The following RECK variants were observed in gnomAD, a reference collection of about 807,000 sequenced individuals.
RECK encodes reversion inducing cysteine rich protein with kazal motifs.
A neutral mutation model predicts 115.1 loss-of-function variants in RECK; 69 were observed. That is an observed-to-expected ratio of 0.60 (90% confidence interval 0.49 to 0.73). The LOEUF is 0.73. Ranked by LOEUF, RECK falls within the 30% of genes least tolerant of loss-of-function variation. The pLI is 0.00. For missense variants in RECK, 1,047 were observed against 1,203.7 expected (o/e 0.87, Z 1.93); for synonymous variants, 414 against 419.7 (o/e 0.99, Z 0.17).
chr9:36,108,667 A>G (rs1293686416), intron 14 of RECK, among the ~76,000 whole-genome samples: 1 of 152,046 alleles, frequency 6.6e-6, no homozygotes, highest in East Asian at 1.9e-4. Context: ...TCACTTCACC[A>G]GAAGTGAAAC....
chr9:36,102,653 G>T (rs2132653184), intron 12 of RECK, among the ~76,000 whole-genome samples: 1 of 151,466 alleles, frequency 6.6e-6, no homozygotes, highest in Admixed American at 6.6e-5. Flanking sequence ...ACCCAACAGG[G>T]TATAAAAAAA....
chr9:36,042,158 A>G (rs939377970), intron 1 of RECK, among the ~76,000 whole-genome samples: 8 of 151,862 alleles, frequency 5.3e-5, no homozygotes, highest in Non-Finnish European at 1.0e-4. Flanking sequence ...TGGTGCACCC[A>G]TCACTACAGT....
intron 1 of RECK, among the ~76,000 whole-genome samples, chr9:36,044,273 T>C (rs1296320293): frequency 6.6e-6 from 1 of 152,082 alleles, no homozygotes; most frequent in Admixed American, 6.5e-5. Context: ...ATTTGATTCT[T>C]AGAGTGGTCA....
At chr9:36,078,618 C>T (rs1822552228) in intron 6 of RECK, among the ~76,000 whole-genome samples, 1 of 152,118 alleles carries the variant, frequency 6.6e-6, no homozygotes, top group Non-Finnish European at 1.5e-5. Flanking sequence ...CAAAATCACC[C>T]CTAGTTGAAA....
chr9:36,044,413 G>T (rs916079103), intron 1 of RECK, among the ~76,000 whole-genome samples: 1 of 152,122 alleles, frequency 6.6e-6, no homozygotes, highest in Non-Finnish European at 1.5e-5. Context: ...ACGATCATAT[G>T]ATCGGCAAAC....
At chr9:36,096,133 AG>A (rs1823329185) in intron 10 of RECK, among the ~76,000 whole-genome samples, 1 of 150,600 alleles carries the variant, frequency 6.6e-6, no homozygotes, top group African/African-American at 2.4e-5. Context: ...GCTGCTCAGG[AG>A]GCTGAGGTGG....
intron 1 of RECK, among the ~76,000 whole-genome samples, chr9:36,042,021 C>A (rs1434224655): frequency 6.6e-6 from 1 of 151,600 alleles, no homozygotes; most frequent in South Asian, 2.1e-4. Flanking sequence ...TTTTTTTGTA[C>A]TTTTTTCCTG....
At chr9:36,061,735 C>T (rs1436476207) in intron 4 of RECK, among the ~76,000 whole-genome samples, 1 of 152,144 alleles carries the variant, frequency 6.6e-6, no homozygotes, top group Non-Finnish European at 1.5e-5. Flanking sequence ...TTAGAAGAAA[C>T]TATACTAGGC....
At chr9:36,083,624 G>T in intron 8 of RECK, 62 bp downstream of exon 8, 1 of 1,521,532 alleles carries the variant, frequency 6.6e-7, no homozygotes, top group Non-Finnish European at 9.0e-7. Flanking sequence ...GTAAAAAGAA[G>T]TGATACGTTC....
At position 36,065,565 on chromosome 9, in the gene RECK, G is replaced by A; in HGVS notation, c.358-12G>A. The A allele has an allele frequency of 6.3e-7, 1 of 1,576,452 alleles. No individual in the cohort carries two copies. Among genetic ancestry groups the A allele is most frequent in the South Asian group, 1.2e-5 (1 of 82,264 alleles). On this transcript the variant is annotated splice_polypyrimidine_tract_variant and intron_variant, in intron 5 of 20. Coordinates refer to ENST00000377966, the MANE Select transcript of RECK (RefSeq NM_021111.3). ...GTATAATAAATTAATGGAGAAATTT[G>A]TTGGTTTTTAGGCATCTTCAAAGAA... is the stretch of plus-strand genomic sequence containing the variant.
At chr9:36,044,276 A>G (rs953422747) in intron 1 of RECK, among the ~76,000 whole-genome samples, 1 of 151,408 alleles carries the variant, frequency 6.6e-6, no homozygotes, top group African/African-American at 2.4e-5. Context: ...TGATTCTTAG[A>G]GTGGTCACTG....
In RECK at chr9:36,123,918, A is replaced by C. The variant is rs1161381229; in HGVS notation, c.*873A>C. ...GTGTAGTTCATGTAAATAATACATTATATTTCTATTTTATTATGAAGAAGG... is the reference window on the plus strand; with the variant it reads ...GTGTAGTTCATGTAAATAATACATTCTATTTCTATTTTATTATGAAGAAGG... On this transcript the variant is annotated 3_prime_UTR_variant, in exon 21 of 21. Transcript: ENST00000377966. 1 of 152,650 alleles carries C rather than the reference A, an allele frequency of 6.6e-6. No homozygotes were observed. Among genetic ancestry groups the C allele is most frequent in the African/African-American group, 2.4e-5 (1 of 41,446 alleles). The allele number at this position is 152,650 out of a possible 1,614,324, so 9.5% of individuals were successfully genotyped here.
chr9:36,103,733 C>A (rs1219027386), intron 12 of RECK, among the ~76,000 whole-genome samples: 3 of 152,094 alleles, frequency 2.0e-5, no homozygotes. Context: ...ACCTTTGTGA[C>A]CAATATAGCA....
intron 2 of RECK, among the ~76,000 whole-genome samples, chr9:36,054,153 G>A (rs1446747825): frequency 6.6e-6 from 1 of 152,214 alleles, no homozygotes; most frequent in Non-Finnish European, 1.5e-5. Flanking sequence ...AATGCTGTGA[G>A]TGAGGAATCA....
chr9:36,110,128 C>A, intron 15 of RECK, 49 bp downstream of exon 15: 1 of 1,563,266 alleles, frequency 6.4e-7, no homozygotes, highest in Non-Finnish European at 8.7e-7. Context: ...CATTTCTTTG[C>A]ACACATTTTT....
At chr9:36,060,287 A>C (rs1017651611) in intron 4 of RECK, 132 bp downstream of exon 4, 6 of 876,294 alleles carry the variant, frequency 6.8e-6, no homozygotes, top group Admixed American at 2.4e-5. Flanking sequence ...TCAACACCTA[A>C]ATTTTTTTTT....
chr9:36,043,794 G>A (rs957191277), intron 1 of RECK, among the ~76,000 whole-genome samples: 16 of 151,798 alleles, frequency 1.1e-4, no homozygotes, highest in African/African-American at 3.6e-4. Context: ...CCCACTTTAC[G>A]TTTTCATTTG....
intron 6 of RECK, among the ~76,000 whole-genome samples, chr9:36,071,411 T>C (rs74890745): frequency 0.025 from 3,878 of 152,328 alleles, 172 homozygotes; most frequent in African/African-American, 0.087. Flanking sequence ...CATTTTATAC[T>C]TTTAATGGCA....
chr9:36,086,425 C>T (rs1162265853), intron 8 of RECK, among the ~76,000 whole-genome samples: 1 of 152,072 alleles, frequency 6.6e-6, no homozygotes, highest in South Asian at 2.1e-4. Flanking sequence ...GGTTCGTGGT[C>T]TCGCTGACTT....
Sources: gnomAD v4.1 joint callset for allele counts (sites outside exome capture counted in the v4.1 genomes callset) on GRCh38, gnomAD v4.1.1 for gene constraint, MANE v1.5 for transcripts, NCBI Gene and HGNC (gene_info 2026-07-23, HGNC 2026-07-21) for gene names.